The following ENO4 variants were observed in gnomAD, a reference collection of about 807,000 sequenced individuals.
ENO4 encodes enolase 4.
Under a neutral mutation model 63.2 loss-of-function variants are expected in ENO4, and 53 were observed. The ratio of observed to expected loss-of-function variants is 0.84; its 90% CI spans 0.67 to 1.05. ENO4 has a LOEUF of 1.05. Among genes scored for constraint, ENO4 ranks in the 50% least tolerant of loss-of-function variants. The probability of loss-of-function intolerance (pLI) is 0.00; values close to 1 mark genes in which losing one functional copy is unlikely to be tolerated. For missense variants in ENO4, 719 were observed against 772.0 expected (o/e 0.93, Z 0.81); for synonymous variants, 266 against 283.8 (o/e 0.94, Z 0.63).
At position 116,879,857 on chromosome 10, in the gene ENO4, C is replaced by T. The variant is rs1255617226; in HGVS notation, c.1606-12C>T. 15 of 1,542,342 alleles carry T rather than the reference C, an allele frequency of 9.7e-6. No homozygotes were observed. In the South Asian group the frequency reaches 1.1e-4, roughly 11 times the overall value. On this transcript the variant is annotated splice_polypyrimidine_tract_variant and intron_variant, in intron 12 of 13. Coordinates refer to ENST00000341276, the MANE Select transcript of ENO4 (RefSeq NM_001242699.2). ...CTCCTCCGTCTAAAATTAGTTTTTT[C>T]CCCCCTTTCAGGCTGTTGGGCTTGG... is the stretch of plus-strand genomic sequence containing the variant.
intron 9 of ENO4, 153 bp from the exon 10 acceptor site, chr10:116,873,923 G>A: frequency 1.0e-6 from 1 of 974,916 alleles, no homozygotes; most frequent in Non-Finnish European, 1.2e-6. Flanking sequence ...ATTTAAAGTA[G>A]AATGGACAGA....
intron 10 of ENO4, chr10:116,906,521 A>G: frequency 6.8e-6 from 8 of 1,180,944 alleles, no homozygotes; most frequent in African/African-American, 1.6e-5. Flanking sequence ...TTAAAAACAA[A>G]TATTTTAATA....
At chr10:116,875,021 C>G (rs1190696596) in intron 10 of ENO4, among the ~76,000 whole-genome samples, 2 of 152,116 alleles carry the variant, frequency 1.3e-5, no homozygotes, top group African/African-American at 4.8e-5. Context: ...GTTTTATGAT[C>G]TATTAAAACT....
rs1847014320 is a variant in ENO4 at position 116,881,559 on chromosome 10, G to A, written c.1768G>A (p.Glu590Lys). ...TTTTTTTTACTTTAATGAGGAAGCT[G>A]AAAAGGCTGCGGAGGCACTTGAGGC... The part of the protein sequence containing the change: ...HTFFYFNEEA[E>K]KAAEALEAAA... The change falls in exon 14 of 14, where the codon GAA becomes AAA. Residue 590 changes from glutamate to lysine, a missense_variant. Physicochemically the swap from Glu to Lys is moderately conservative, Grantham distance 56. Coordinates refer to ENST00000341276, the MANE Select transcript of ENO4 (RefSeq NM_001242699.2). 1 of 1,548,526 alleles carries A rather than the reference G, an allele frequency of 6.5e-7. No homozygotes were observed. The highest frequency in any genetic ancestry group is 1.4e-5 in the African/African-American group (1 of 72,880).
intron 1 of ENO4, among the ~76,000 whole-genome samples, chr10:116,855,024 C>T (rs1231815208): frequency 1.4e-5 from 2 of 148,048 alleles, no homozygotes; most frequent in Admixed American, 6.7e-5. Context: ...ACTATAAGAA[C>T]GCCTGCTAGC....
At chr10:116,904,954 C>A (rs1165058964) in intron 10 of ENO4, among the ~76,000 whole-genome samples, 1 of 151,874 alleles carries the variant, frequency 6.6e-6, no homozygotes, top group African/African-American at 2.4e-5. Context: ...GTAATCCCAG[C>A]ACTTTGGGAG....
At chr10:116,874,917 G>A (rs1022094573) in intron 10 of ENO4, among the ~76,000 whole-genome samples, 4 of 151,984 alleles carry the variant, frequency 2.6e-5, no homozygotes, top group African/African-American at 4.8e-5. Context: ...CAGGAGATCC[G>A]CCCACCTTGG....
chr10:116,852,165 T>C (rs1177117523), intron 1 of ENO4, among the ~76,000 whole-genome samples: 1 of 152,172 alleles, frequency 6.6e-6, no homozygotes, highest in Non-Finnish European at 1.5e-5. Context: ...CCCGCCCTCA[T>C]GTGAAGAAGG....
downstream of ENO4, chr10:116,886,110 A>G (rs923436266): frequency 2.3e-5 from 13 of 562,236 alleles, no homozygotes; most frequent in Admixed American, 2.4e-4. Flanking sequence ...GTAACTAGGA[A>G]AAAAACCTCA....
intron 10 of ENO4, chr10:116,900,870 A>G: frequency 1.0e-6 from 1 of 985,344 alleles, no homozygotes; most frequent in South Asian, 4.7e-5. Context: ...AAAAAAAGTT[A>G]ATAGTAGCAA....
chr10:116,865,084 C>A (rs978083047), intron 7 of ENO4, among the ~76,000 whole-genome samples: 1 of 152,100 alleles, frequency 6.6e-6, no homozygotes, highest in African/African-American at 2.4e-5. Context: ...AAATTATGCA[C>A]AAATCATTCT....
intron 10 of ENO4, among the ~76,000 whole-genome samples, chr10:116,899,324 G>C (rs1847636665): frequency 6.6e-6 from 1 of 152,200 alleles, no homozygotes; most frequent in African/African-American, 2.4e-5. Context: ...ATTTTGAATA[G>C]GGTGGCCAGG....
chr10:116,881,318 A>G (rs1484688441), intron 13 of ENO4, among the ~76,000 whole-genome samples, 197 bp from the exon 14 acceptor site: 3 of 152,186 alleles, frequency 2.0e-5, no homozygotes, highest in Non-Finnish European at 4.4e-5. Flanking sequence ...AGTGCAAGTA[A>G]AATCGAACAG....
intron 10 of ENO4, chr10:116,907,985 G>C (rs1387295298): frequency 4.1e-6 from 2 of 487,536 alleles, no homozygotes; most frequent in African/African-American, 3.9e-5. Context: ...AAGAAGCCTT[G>C]TTTCTTCTTT....
At chr10:116,872,166 C>T (rs540016700) in intron 9 of ENO4, among the ~76,000 whole-genome samples, 1 of 152,346 alleles carries the variant, frequency 6.6e-6, no homozygotes, top group South Asian at 2.1e-4. Flanking sequence ...CATTGCACTC[C>T]AGCCTGGGCA....
At position 116,881,703 on chromosome 10, in the gene ENO4, C is replaced by T; in HGVS notation, c.*34C>T. 1 of 1,433,984 alleles carries T rather than the reference C, an allele frequency of 7.0e-7. No individual in the cohort carries two copies. The highest frequency in any genetic ancestry group is 9.2e-7 in the Non-Finnish European group (1 of 1,087,906). The allele number at this position is 1,433,984 out of a possible 1,614,324, so 88.8% of individuals were successfully genotyped here. A position where few individuals can be genotyped will look rare whatever the true frequency, so the allele number is the denominator to read the frequency against. On this transcript the variant is annotated 3_prime_UTR_variant, in exon 14 of 14. Transcript: ENST00000341276. ...ACACCCCAGGTTCCAGCCACACCAT[C>T]AGTATTAGTAGACCGGGAGGTCTGA...
chr10:116,905,660 T>C (rs1468855250), intron 10 of ENO4, among the ~76,000 whole-genome samples: 3 of 152,132 alleles, frequency 2.0e-5, no homozygotes, highest in South Asian at 4.1e-4. Flanking sequence ...CTACTTAAAT[T>C]TGGTCAATGT....
intron 9 of ENO4, among the ~76,000 whole-genome samples, chr10:116,873,232 C>T (rs1159548056): frequency 6.6e-6 from 1 of 152,042 alleles, no homozygotes; most frequent in Non-Finnish European, 1.5e-5. Context: ...TATGAAATCC[C>T]TTCAGTTATG....
At chr10:116,904,437 C>CT (rs779336840) in intron 10 of ENO4, among the ~76,000 whole-genome samples, 4,331 of 144,714 alleles carry the variant, frequency 0.03, 90 homozygotes, top group African/African-American at 0.049. Flanking sequence ...TGTTTCCTTC[C>CT]TTTTTTTTTT....
Sources: allele counts gnomAD v4.1 joint callset (sites outside exome capture counted in the v4.1 genomes callset), GRCh38; gene constraint gnomAD v4.1.1; transcripts MANE v1.5; gene names NCBI Gene and HGNC (gene_info 2026-07-23, HGNC 2026-07-21).